Variants in CNTN5 observed in about 807,000 individuals in gnomAD.
CNTN5 encodes contactin 5.
In CNTN5, 77 loss-of-function variants were observed where a neutral mutation model predicts 129.1. The observed-to-expected ratio is 0.60, with a 90% CI of 0.50 to 0.72. The LOEUF is 0.72. CNTN5 is among the 30% of genes least tolerant of loss of function. The pLI is 0.00. For synonymous variants in CNTN5, 509 were observed against 465.6 expected, an observed-to-expected ratio of 1.09 and a Z score of -1.20; for missense variants, 1,478 against 1,328.8, an observed-to-expected ratio of 1.11 and a Z score of -1.75.
At chr11:99,640,870 T>G (rs617428) in intron 3 of CNTN5, among the ~76,000 whole-genome samples, 6 of 151,878 alleles carry the variant, frequency 4.0e-5, no homozygotes, top group South Asian at 2.1e-4. Context: ...TAAGATGCAG[T>G]GTCAGCTATT....
At chr11:99,582,052 C>A (rs1265780029) in intron 3 of CNTN5, among the ~76,000 whole-genome samples, 3 of 151,964 alleles carry the variant, frequency 2.0e-5, no homozygotes, top group Non-Finnish European at 4.4e-5. Flanking sequence ...ATTTGCTTGT[C>A]TGTAAAGTAT....
chr11:100,078,123 C>A (rs556256617), intron 13 of CNTN5, among the ~76,000 whole-genome samples: 2 of 152,086 alleles, frequency 1.3e-5, no homozygotes, highest in Middle Eastern at 3.4e-3. Flanking sequence ...GCCAAATAAC[C>A]ATTTGGCTCA....
intron 6 of CNTN5, among the ~76,000 whole-genome samples, chr11:99,883,432 C>T (rs1948822556): frequency 6.6e-6 from 1 of 152,148 alleles, no homozygotes; most frequent in African/African-American, 2.4e-5. Context: ...GATGATATCT[C>T]ATTGTAGTTT....
rs955174604 is a variant in CNTN5 at position 100,070,373 on chromosome 11, A to G, written c.1163-51A>G. Reference sequence around the variant, plus strand: ...TTTCCATGTAAATTTTAAACTTGGTAAAGCGTTTGAGAAATGAAATCATCC... The same window carrying G: ...TTTCCATGTAAATTTTAAACTTGGTGAAGCGTTTGAGAAATGAAATCATCC... On this transcript the variant is annotated intron_variant, in intron 10 of 24. Transcript: ENST00000524871. 39 of 1,547,428 alleles carry G rather than the reference A, an allele frequency of 2.5e-5. No individual in the cohort carries two copies. In the Admixed American group the frequency reaches 3.2e-4, roughly 13 times the overall value.
chr11:99,876,276 A>G (rs973311866), intron 6 of CNTN5, among the ~76,000 whole-genome samples: 2 of 152,006 alleles, frequency 1.3e-5, no homozygotes, highest in African/African-American at 4.8e-5. Context: ...CCTTTTTCCT[A>G]ATCTGTTACT....
At chr11:99,768,252 A>C (rs372425149) in intron 3 of CNTN5, among the ~76,000 whole-genome samples, 1 of 152,256 alleles carries the variant, frequency 6.6e-6, no homozygotes, top group Admixed American at 6.5e-5. Context: ...ATATACATCC[A>C]CAGATTTTAT....
At chr11:100,288,543 A>G (rs1008807886) in intron 18 of CNTN5, among the ~76,000 whole-genome samples, 1 of 152,208 alleles carries the variant, frequency 6.6e-6, no homozygotes, top group Non-Finnish European at 1.5e-5. Flanking sequence ...AGAAATAAAG[A>G]TGTTCTTTGA....
intron 6 of CNTN5, among the ~76,000 whole-genome samples, chr11:99,878,291 T>C (rs1253304958): frequency 2.0e-5 from 3 of 152,230 alleles, no homozygotes; most frequent in African/African-American, 7.2e-5. Context: ...TCTTTTACAC[T>C]ACTTCTTCTG....
chr11:99,554,141 T>C (rs762627964), intron 2 of CNTN5, among the ~76,000 whole-genome samples: 3 of 152,104 alleles, frequency 2.0e-5, no homozygotes, highest in Non-Finnish European at 2.9e-5. Context: ...ATAACACCCC[T>C]ACATGGCATC....
chr11:99,916,780 T>C (rs1949801045), intron 7 of CNTN5, among the ~76,000 whole-genome samples: 1 of 152,116 alleles, frequency 6.6e-6, no homozygotes, highest in African/African-American at 2.4e-5. Context: ...TTGAGTTTCA[T>C]AATTTGAGAT....
At chr11:99,650,324 G>T (rs599197) in intron 3 of CNTN5, among the ~76,000 whole-genome samples, 92,735 of 151,552 alleles carry the variant, frequency 0.61, 29,324 homozygotes, top group Admixed American at 0.7. Context: ...TTCAGAAAGT[G>T]TTTTGGTAGG....
intron 3 of CNTN5, among the ~76,000 whole-genome samples, chr11:99,645,745 C>T (rs7122777): frequency 0.33 from 48,899 of 149,970 alleles, 8,020 homozygotes; most frequent in South Asian, 0.44. Context: ...GGTAGTTGAA[C>T]AATGAGAACA....
chr11:99,885,745 G>C (rs563173667), intron 6 of CNTN5, among the ~76,000 whole-genome samples: 1 of 151,966 alleles, frequency 6.6e-6, no homozygotes, highest in Non-Finnish European at 1.5e-5. Context: ...AAAGAGATAA[G>C]ACAAAAAATA....
intron 3 of CNTN5, among the ~76,000 whole-genome samples, chr11:99,737,472 T>G (rs2135137425): frequency 6.6e-6 from 1 of 152,272 alleles, no homozygotes; most frequent in East Asian, 1.9e-4. Flanking sequence ...AAAAAGTGGA[T>G]AGATATCTAG....
intron 15 of CNTN5, among the ~76,000 whole-genome samples, chr11:100,221,189 G>C (rs564273880): frequency 1.3e-5 from 2 of 152,170 alleles, no homozygotes; most frequent in Non-Finnish European, 2.9e-5. Flanking sequence ...AAAAGAAAGA[G>C]CACCTGCAAC....
chr11:100,193,574 G>A lies in CNTN5; in HGVS notation c.1795G>A (p.Ala599Thr), dbSNP rs1382801694. 6.2e-7 allele frequency: 1 copy of A among 1,611,766 alleles called. No homozygotes were observed. Among genetic ancestry groups the A allele is most frequent in the Non-Finnish European group, 8.5e-7 (1 of 1,178,690 alleles). Reference protein sequence around the residue: ...IVLNCKAIHDASLDVTFYWTL... With the variant: ...IVLNCKAIHDTSLDVTFYWTL... The stretch of plus-strand genomic sequence containing the variant: ...CCTTAATTGCAAAGCAATTCACGAT[G>A]CTAGTTTGGATGTCACTTTCTACTG... Residue 599 changes from alanine (A) to threonine (T), a missense_variant, in exon 15 of 25, where the codon GCT becomes ACT. Coordinates refer to ENST00000524871, the MANE Select transcript of CNTN5 (RefSeq NM_014361.4).
At position 99,080,224 on chromosome 11, in the gene CNTN5, G is replaced by T. The variant is rs369065880; in HGVS notation, c.-210+58954G>T. ...TAAAGTGGAGTTCAAGTTATTTATT[G>T]AATATATTAATTTGAATAGGCTTGA... is the stretch of plus-strand genomic sequence containing the variant. On this transcript the variant is annotated intron_variant, in intron 1 of 24. Coordinates refer to ENST00000524871, the MANE Select transcript of CNTN5 (RefSeq NM_014361.4). 2.6e-5 allele frequency among the ~76,000 whole-genome samples: 4 copies of T among 152,232 alleles called. No individual in the cohort carries two copies. In the East Asian group the frequency reaches 7.7e-4, roughly 29 times the overall value.
intron 15 of CNTN5, among the ~76,000 whole-genome samples, chr11:100,196,856 G>A (rs1344181237): frequency 6.6e-6 from 1 of 151,938 alleles, no homozygotes; most frequent in African/African-American, 2.4e-5. Flanking sequence ...AAGCTAGTGA[G>A]TATATTCTTA....
At chr11:99,435,774 T>C (rs1400646667) in intron 2 of CNTN5, among the ~76,000 whole-genome samples, 4 of 152,202 alleles carry the variant, frequency 2.6e-5, no homozygotes, top group African/African-American at 9.6e-5. Flanking sequence ...CCATCATTTA[T>C]TGGAGAATCG....
Sources: gnomAD v4.1 joint callset for allele counts (sites outside exome capture counted in the v4.1 genomes callset) on GRCh38, gnomAD v4.1.1 for gene constraint, MANE v1.5 for transcripts, NCBI Gene and HGNC (gene_info 2026-07-23, HGNC 2026-07-21) for gene names.